SORBS2: variants seen among roughly 807,000 people sequenced by gnomAD.
SORBS2 encodes sorbin and SH3 domain containing 2.
Under a neutral mutation model 97.7 loss-of-function variants are expected in SORBS2, and 46 were observed. That is an observed-to-expected ratio of 0.47 (90% CI 0.37 to 0.60). The LOEUF is 0.60. Ranked by LOEUF, SORBS2 falls within the 20% of genes least tolerant of loss-of-function variation. SORBS2 has a pLI of 0.00. For synonymous variants in SORBS2, 476 were observed against 473.4 expected (o/e 1.01, Z -0.07); for missense variants, 1,316 against 1,282.3 (o/e 1.03, Z -0.40).
At chr4:185,813,514 C>T (rs1387284843) in intron 1 of SORBS2, among the ~76,000 whole-genome samples, 2 of 152,164 alleles carry the variant, frequency 1.3e-5, no homozygotes, top group Non-Finnish European at 2.9e-5. Context: ...ACTGAAGTTC[C>T]CTTCCCTGAA....
At chr4:185,844,891 G>A (rs1014503633) in intron 1 of SORBS2, among the ~76,000 whole-genome samples, 13 of 152,154 alleles carry the variant, frequency 8.5e-5, no homozygotes, top group Admixed American at 3.3e-4. Flanking sequence ...CCATTTATAC[G>A]AAACACTCAG....
intron 2 of SORBS2, among the ~76,000 whole-genome samples, chr4:185,680,239 G>A (rs1356325604): frequency 3.3e-5 from 5 of 152,162 alleles, no homozygotes; most frequent in Non-Finnish European, 5.9e-5. Context: ...GAAATAGTGG[G>A]CTCAAGAGAT....
At chr4:185,682,360 T>C (rs2097883686) in intron 2 of SORBS2, among the ~76,000 whole-genome samples, 1 of 152,192 alleles carries the variant, frequency 6.6e-6, no homozygotes, top group African/African-American at 2.4e-5. Context: ...TCAATAGTCA[T>C]TGTCTTGGTT....
At chr4:185,854,242 T>C (rs1193119998) in intron 1 of SORBS2, among the ~76,000 whole-genome samples, 2 of 152,170 alleles carry the variant, frequency 1.3e-5, no homozygotes, top group Non-Finnish European at 2.9e-5. Context: ...TGAAAAAGAC[T>C]AACAGTAATA....
At chr4:185,747,184 G>A (rs566288816) in intron 2 of SORBS2, among the ~76,000 whole-genome samples, 1 of 152,294 alleles carries the variant, frequency 6.6e-6, no homozygotes, top group African/African-American at 2.4e-5. Context: ...GAAGGTGGCC[G>A]TCGGCAAGAC....
At chr4:185,688,848 C>G (rs575816900) in intron 2 of SORBS2, among the ~76,000 whole-genome samples, 1 of 140,884 alleles carries the variant, frequency 7.1e-6, no homozygotes, top group Non-Finnish European at 1.6e-5. Context: ...CACTTTTGAT[C>G]AATTTTATGC....
intron 9 of SORBS2, 61 bp from the exon 22 acceptor site, chr4:185,615,220 C>T: frequency 2.1e-6 from 2 of 971,856 alleles, no homozygotes; most frequent in Non-Finnish European, 3.4e-6. Context: ...TCAAGATCAA[C>T]ACCCTCGCTA....
chr4:185,708,457 G>A (rs1212391085), intron 2 of SORBS2, among the ~76,000 whole-genome samples: 3 of 152,162 alleles, frequency 2.0e-5, no homozygotes, highest in East Asian at 1.9e-4. Flanking sequence ...GATTCTGAAT[G>A]TTTAGTCTCA....
At chr4:185,690,728 CTT>C in intron 2 of SORBS2, 117 bp from the exon 4 acceptor site, 2 of 484,832 alleles carry the variant, frequency 4.1e-6, no homozygotes, top group East Asian at 5.9e-5. Flanking sequence ...TATCATTAGT[CTT>C]ATTTAAATCA....
intron 1 of SORBS2, among the ~76,000 whole-genome samples, chr4:185,819,846 T>C (rs2099195623): frequency 6.6e-6 from 1 of 152,208 alleles, no homozygotes; most frequent in Non-Finnish European, 1.5e-5. Flanking sequence ...TCTCAAAGTA[T>C]ACTTGTTCAT....
chr4:185,729,830 G>T (rs72702089), intron 2 of SORBS2, among the ~76,000 whole-genome samples: 17,272 of 152,126 alleles, frequency 0.11, 1,309 homozygotes, highest in African/African-American at 0.22. Context: ...AATATAACAC[G>T]CAGTGTAGAA....
At position 185,837,210 on chromosome 4, in the gene SORBS2, T is replaced by C. The variant is rs545859173; in HGVS notation, c.-337-61844A>G. ...AAATTGCCAAGTTTATATGGATTTT[T>C]AAATTTTACATCAAACAGATCCTAT... On this transcript the variant is annotated intron_variant, in intron 1 of 20. Transcript: ENST00000284776. Among the ~76,000 whole-genome samples, 3 of 152,314 alleles carry C rather than the reference T, an allele frequency of 2.0e-5. No individual in the cohort carries two copies. In the South Asian group the frequency reaches 6.2e-4, roughly 32 times the overall value.
chr4:185,684,827 G>T lies in SORBS2; in HGVS notation c.-197-6005C>A. ...GCGTAACAGACATGGCGGCACGTTT[G>T]CGAGCACACCCACCGCTATCTGGAA... On this transcript the variant is annotated intron_variant, in intron 2 of 20. Coordinates refer to the SORBS2 transcript ENST00000284776. The surrounding 1 kb of genome is among the most constrained non-coding windows in gnomAD (Gnocchi z 4.2). The T allele has an allele frequency of 6.4e-7, 1 of 1,551,878 alleles. No homozygotes were observed. Among genetic ancestry groups the T allele is most frequent in the Non-Finnish European group, 8.7e-7 (1 of 1,147,036 alleles).
At chr4:185,850,727 C>T (rs959973354) in intron 1 of SORBS2, among the ~76,000 whole-genome samples, 3 of 152,114 alleles carry the variant, frequency 2.0e-5, no homozygotes, top group African/African-American at 7.2e-5. Flanking sequence ...AATGCATCAA[C>T]TTGACTGGGC....
chr4:185,836,532 G>C (rs1457774148), intron 1 of SORBS2, among the ~76,000 whole-genome samples: 2 of 152,186 alleles, frequency 1.3e-5, no homozygotes, highest in Non-Finnish European at 2.9e-5. Context: ...ACACCACCAA[G>C]TGCTTTAGGG....
chr4:185,828,371 G>A (rs1164083886), intron 1 of SORBS2, among the ~76,000 whole-genome samples: 1 of 152,046 alleles, frequency 6.6e-6, no homozygotes, highest in Non-Finnish European at 1.5e-5. Flanking sequence ...ACTCACTTGT[G>A]AGCCCTCAGC....
intron 4 of SORBS2, chr4:185,675,293 C>T (rs1018742654): frequency 1.3e-5 from 2 of 152,494 alleles, no homozygotes; most frequent in Non-Finnish European, 1.5e-5. Flanking sequence ...TGCTTCCTGG[C>T]GTGCCCATCC....
At chr4:185,748,772 A>G (rs541992823) in intron 2 of SORBS2, among the ~76,000 whole-genome samples, 1 of 152,356 alleles carries the variant, frequency 6.6e-6, no homozygotes, top group South Asian at 2.1e-4. Context: ...AATGATAGCT[A>G]AACCTGGCTT....
At position 185,684,019 on chromosome 4, in the gene SORBS2, C is replaced by G; in HGVS notation, c.-197-5197G>C. On this transcript the variant is annotated intron_variant, in intron 2 of 20. Transcript: ENST00000284776. The surrounding 1 kb of genome is among the most constrained non-coding windows in gnomAD (Gnocchi z 4.2). Reference sequence around the variant, plus strand: ...GCAGCTAACCAACCAGCCAACCAACCAACCAACCCACCAACCAACCCATCA... The same window carrying G: ...GCAGCTAACCAACCAGCCAACCAACGAACCAACCCACCAACCAACCCATCA... 6.6e-6 allele frequency among the ~76,000 whole-genome samples: 1 copy of G among 152,030 alleles called. No individual in the cohort carries two copies. Among genetic ancestry groups the G allele is most frequent in the South Asian group, 2.1e-4 (1 of 4,822 alleles).
Sources: allele counts gnomAD v4.1 joint callset (sites outside exome capture counted in the v4.1 genomes callset), GRCh38; gene constraint gnomAD v4.1.1; non-coding constraint Gnocchi (gnomAD v3.1); transcripts MANE v1.5; gene names NCBI Gene and HGNC (gene_info 2026-07-23, HGNC 2026-07-21).